DAB1: variants seen among roughly 807,000 people sequenced by gnomAD.
DAB1 encodes DAB adaptor protein 1.
In DAB1, 15 loss-of-function variants were observed where a neutral mutation model predicts 64.6. That is an observed-to-expected ratio of 0.23 (90% CI 0.16 to 0.36). DAB1 has a LOEUF of 0.36. DAB1 is among the 10% of genes least tolerant of loss of function. The pLI, the probability that DAB1 is intolerant of heterozygous loss-of-function variation, is 1.00. For synonymous variants in DAB1, 235 were observed against 251.9 expected, an observed-to-expected ratio of 0.93 and a Z score of 0.64; for missense variants, 596 against 706.7, an observed-to-expected ratio of 0.84 and a Z score of 1.78.
chr1:57,586,953 A>G (rs1345908291), intron 7 of DAB1, among the ~76,000 whole-genome samples: 1 of 152,204 alleles, frequency 6.6e-6, no homozygotes, highest in African/African-American at 2.4e-5. Context: ...TGGGGACAAA[A>G]TACTAAATGT....
At chr1:58,405,423 T>C (rs1384640852) in intron 3 of DAB1, among the ~76,000 whole-genome samples, 2 of 152,122 alleles carry the variant, frequency 1.3e-5, no homozygotes, top group East Asian at 3.8e-4. Context: ...TGTAGTTCAG[T>C]GATGTGATCT....
chr1:58,450,611 G>A (rs537855274), intron 3 of DAB1, among the ~76,000 whole-genome samples: 99 of 152,234 alleles, frequency 6.5e-4, no homozygotes, highest in African/African-American at 2.2e-3. Flanking sequence ...AAAATTAGCC[G>A]GGCGTGGTGG....
intron 6 of DAB1, among the ~76,000 whole-genome samples, chr1:57,799,211 T>G (rs2101869983): frequency 6.6e-6 from 1 of 152,236 alleles, no homozygotes; most frequent in Middle Eastern, 3.4e-3. Flanking sequence ...TGGAGCAAGT[T>G]AGGGAGAGTA....
intron 5 of DAB1, among the ~76,000 whole-genome samples, chr1:58,055,882 G>GTTATTATTATAATTATTA (rs1553156284): frequency 2.0e-5 from 3 of 147,642 alleles, no homozygotes; most frequent in Non-Finnish European, 3.0e-5. Flanking sequence ...ATCACACCGA[G>GTTATTATTATAATTATTA]TTATTATTAT....
In DAB1 at chr1:58,102,899, G is replaced by A. The variant is rs141863007; in HGVS notation, n.387+47612C>T. ...AATGCAAAAATTGGCAGTAGATAAA[G>A]GCAAGGGACAGGGCTTACCTTCAGG... On this transcript the variant is annotated intron_variant and non_coding_transcript_variant, in intron 5 of 20. Coordinates refer to the DAB1 transcript ENST00000485760. 3.9e-3 allele frequency among the ~76,000 whole-genome samples: 601 copies of A among 152,280 alleles called. 1 individual carries two copies. The highest frequency in any genetic ancestry group is 7.0e-3 in the Non-Finnish European group (473 of 68,032).
intron 1 of DAB1, among the ~76,000 whole-genome samples, chr1:57,416,079 A>G (rs911557015): frequency 3.3e-5 from 5 of 152,198 alleles, no homozygotes; most frequent in African/African-American, 1.2e-4. Flanking sequence ...TGAGCCTGTG[A>G]GTCTTCCATT....
intron 6 of DAB1, among the ~76,000 whole-genome samples, chr1:57,710,941 G>A (rs943967818): frequency 3.9e-5 from 6 of 152,178 alleles, no homozygotes; most frequent in African/African-American, 1.4e-4. Flanking sequence ...AGGAGGGTCA[G>A]GGAGGCAGCT....
chr1:57,171,435 C>T (rs1661748886), intron 2 of DAB1, among the ~76,000 whole-genome samples: 1 of 152,206 alleles, frequency 6.6e-6, no homozygotes, highest in African/African-American at 2.4e-5. Context: ...AGATCTTTCC[C>T]TGCTAGAGGA....
chr1:57,644,646 C>T (rs1646170870), intron 7 of DAB1, among the ~76,000 whole-genome samples: 1 of 151,076 alleles, frequency 6.6e-6, no homozygotes, highest in African/African-American at 2.4e-5. Flanking sequence ...TTCTGTTTCA[C>T]TAATGAAAAA....
chr1:57,816,106 G>C (rs1194518398), intron 6 of DAB1, among the ~76,000 whole-genome samples: 2 of 152,176 alleles, frequency 1.3e-5, no homozygotes, highest in Non-Finnish European at 2.9e-5. Flanking sequence ...TCAAAGTAAT[G>C]CTCTCCATAT....
chr1:57,524,942 T>C (rs1440100633), intron 7 of DAB1, among the ~76,000 whole-genome samples: 1 of 152,114 alleles, frequency 6.6e-6, no homozygotes, highest in Non-Finnish European at 1.5e-5. Flanking sequence ...GGAAAGAGAA[T>C]GACACTAATC....
intron 3 of DAB1, among the ~76,000 whole-genome samples, chr1:58,499,509 A>ATAGATAGATAAATAG (rs776144705): frequency 1.4e-4 from 6 of 42,856 alleles, no homozygotes; most frequent in African/African-American, 3.6e-4. Flanking sequence ...TAGATAGATA[A>ATAGATAGATAAATAG]ATAGATAGAT....
intron 7 of DAB1, among the ~76,000 whole-genome samples, chr1:57,468,883 C>T (rs918581184): frequency 3.9e-5 from 6 of 152,162 alleles, no homozygotes; most frequent in Admixed American, 3.3e-4. Flanking sequence ...AATATTAACT[C>T]AGTGTTGATC....
At chr1:58,013,548 G>A (rs945561764) in intron 5 of DAB1, among the ~76,000 whole-genome samples, 1 of 152,130 alleles carries the variant, frequency 6.6e-6, no homozygotes, top group Admixed American at 6.6e-5. Context: ...ATTACGACAC[G>A]AGTGGTCATC....
intron 6 of DAB1, among the ~76,000 whole-genome samples, chr1:57,681,282 T>C (rs991191795): frequency 6.6e-6 from 1 of 152,220 alleles, no homozygotes; most frequent in Non-Finnish European, 1.5e-5. Context: ...ACTGTCTTCT[T>C]ATAAGGAAAC....
chr1:58,452,611 AC>A lies in DAB1; in HGVS notation n.257+53448del, dbSNP rs1645150128. 2.0e-5 allele frequency among the ~76,000 whole-genome samples: 3 copies of A among 149,776 alleles called. No homozygotes were observed. The South Asian group carries it at 6.4e-4, about 32-fold the overall frequency. On this transcript the variant is annotated intron_variant and non_coding_transcript_variant, in intron 3 of 20. Coordinates refer to the DAB1 transcript ENST00000485760. ...GATCACCTGAGGTCAGGAGTTCAAG[AC>A]CAGCCTGGCCAACGTGGTGAAACCC...
At chr1:57,539,217 C>T (rs780431762) in intron 7 of DAB1, among the ~76,000 whole-genome samples, 3 of 152,162 alleles carry the variant, frequency 2.0e-5, no homozygotes, top group African/African-American at 4.8e-5. Context: ...GTAGAATGAA[C>T]ATTTCATCAC....
At chr1:58,287,108 A>C (rs898857416) in intron 4 of DAB1, among the ~76,000 whole-genome samples, 2 of 152,308 alleles carry the variant, frequency 1.3e-5, no homozygotes, top group African/African-American at 4.8e-5. Context: ...TGTAAGTGGG[A>C]GCCAAACAAT....
At chr1:57,510,520 C>A (rs183952475) in intron 7 of DAB1, among the ~76,000 whole-genome samples, 1 of 152,254 alleles carries the variant, frequency 6.6e-6, no homozygotes, top group Non-Finnish European at 1.5e-5. Flanking sequence ...GTTTATATTT[C>A]TTGCACAGAC....
Sources: gnomAD v4.1 joint callset for allele counts (sites outside exome capture counted in the v4.1 genomes callset) on GRCh38, gnomAD v4.1.1 for gene constraint, MANE v1.5 for transcripts, NCBI Gene and HGNC (gene_info 2026-07-23, HGNC 2026-07-21) for gene names.